Variants in FHAD1 observed in about 807,000 individuals in gnomAD.
FHAD1 encodes the protein forkhead-associated domain-containing protein 1.
FHAD1 carries 146 observed loss-of-function variants against 191.3 expected under a neutral mutation model. That is an observed-to-expected ratio of 0.76 (90% CI 0.67 to 0.88). FHAD1 has a LOEUF of 0.88. FHAD1 is among the 40% of genes least tolerant of loss of function. FHAD1 has a pLI of 0.00. For synonymous variants in FHAD1, 616 were observed against 672.3 expected, an observed-to-expected ratio of 0.92 and a Z score of 1.29; for missense variants, 1,635 against 1,785.8, an observed-to-expected ratio of 0.92 and a Z score of 1.52.
At chr1:15,255,465 T>C (rs552734724) in intron 2 of FHAD1, among the ~76,000 whole-genome samples, 2 of 152,174 alleles carry the variant, frequency 1.3e-5, no homozygotes, top group African/African-American at 2.4e-5. Flanking sequence ...TTCTGTATCA[T>C]GAAAGGAGTT....
At chr1:15,315,823 C>G (rs1674258706) in intron 8 of FHAD1, among the ~76,000 whole-genome samples, 1 of 152,164 alleles carries the variant, frequency 6.6e-6, no homozygotes, top group South Asian at 2.1e-4. Context: ...TAACAATACT[C>G]TCAAAAACAT....
rs564022590 is a variant in FHAD1 at position 15,312,408 on chromosome 1, C to G, written c.1040-649C>G. ...GGGCATTGTGGCTCACATCTGTAATCCCAGCACTTTGGGAGACAGAGGCTG... is the reference window on the plus strand; with the variant it reads ...GGGCATTGTGGCTCACATCTGTAATGCCAGCACTTTGGGAGACAGAGGCTG... On this transcript the variant is annotated intron_variant, in intron 7 of 33. Coordinates refer to ENST00000688493, the MANE Select transcript of FHAD1 (RefSeq NM_001391957.1). This position sits in a 1 kb window ranked among gnomAD's most constrained non-coding sequence, Gnocchi z 4.7. 3.3e-5 allele frequency among the ~76,000 whole-genome samples: 5 copies of G among 152,286 alleles called. No individual in the cohort carries two copies. The South Asian group carries it at 1.0e-3, about 32-fold the overall frequency.
rs59453670 is a variant in FHAD1, at chr1:15,386,849, C to CTTTT, written c.4189-1194_4189-1191dup. On this transcript the variant is annotated intron_variant, in intron 31 of 33. Transcript: ENST00000688493. ...CTTTTTCTTTTTTTTTCCTTTCTTT[C>CTTTT]TTTTTTTTTTTGTTTGTTTGTTTAT... 6.3e-3 allele frequency among the ~76,000 whole-genome samples: 910 copies of CTTTT among 144,254 alleles called. 6 individuals carry two copies. The highest frequency in any genetic ancestry group is 0.025 in the Middle Eastern group (7 of 282). The allele number at this position is 144,254 out of a possible 152,430, so 94.6% of individuals were successfully genotyped here. A position where few individuals can be genotyped will look rare whatever the true frequency, so the allele number is the denominator to read the frequency against.
chr1:15,245,318 CTTATTT>C (rs1279321191), upstream of FHAD1, among the ~76,000 whole-genome samples: 2 of 151,970 alleles, frequency 1.3e-5, no homozygotes, highest in African/African-American at 4.8e-5. Context: ...TTTTGTTGTT[CTTATTT>C]TTATTTGCTT....
At chr1:15,283,885 G>C (rs917212601) in intron 3 of FHAD1, among the ~76,000 whole-genome samples, 1 of 152,076 alleles carries the variant, frequency 6.6e-6, no homozygotes, top group African/African-American at 2.4e-5. Context: ...TTCTTCATTA[G>C]CCAATCATCT....
rs747050083 is a variant in FHAD1 at position 15,397,582 on chromosome 1, T to G, written c.*169T>G. On this transcript the variant is annotated 3_prime_UTR_variant, in exon 34 of 34. Coordinates refer to ENST00000688493, the MANE Select transcript of FHAD1 (RefSeq NM_001391957.1). ...GAACAATATTATATTTTGGAGACTGTGGGGAGAAGGGTTCTTCTTTAAAAA... is the reference window on the plus strand; with the variant it reads ...GAACAATATTATATTTTGGAGACTGGGGGGAGAAGGGTTCTTCTTTAAAAA... The G allele has an allele frequency of 4.8e-6, 2 of 412,506 alleles. No homozygotes were observed. Among genetic ancestry groups the G allele is most frequent in the Non-Finnish European group, 8.7e-6 (2 of 230,904 alleles). The allele number at this position is 412,506 out of a possible 1,614,324, so 25.6% of individuals were successfully genotyped here. A position where few individuals can be genotyped will look rare whatever the true frequency, so the allele number is the denominator to read the frequency against.
rs185380468 is a variant in FHAD1, at chr1:15,349,761, G to A, written c.2454+612G>A. 3.6e-3 allele frequency among the ~76,000 whole-genome samples: 543 copies of A among 152,302 alleles called. 2 individuals carry two copies. The highest frequency in any genetic ancestry group is 0.013 in the African/African-American group (523 of 41,560). ...GGGATCAGTGCCTTCTGGAATGGAC[G>A]AGAAGATGGGCACCCCAGGACAGAC... On this transcript the variant is annotated intron_variant, in intron 19 of 33. Transcript: ENST00000688493.
At chr1:15,240,716 T>C (rs1046119029) in intron 1 of FHAD1, among the ~76,000 whole-genome samples, 1 of 151,038 alleles carries the variant, frequency 6.6e-6, no homozygotes, top group Non-Finnish European at 1.5e-5. Context: ...CCCAGCACTT[T>C]GGGAGGCCGA....
intron 25 of FHAD1, among the ~76,000 whole-genome samples, chr1:15,369,029 A>G (rs1397256217): frequency 6.6e-6 from 1 of 152,184 alleles, no homozygotes; most frequent in Admixed American, 6.5e-5. Context: ...CTGTAAAATG[A>G]GACAAGCAGA....
chr1:15,253,306 C>T (rs1104688), intron 2 of FHAD1, among the ~76,000 whole-genome samples: 107,271 of 151,456 alleles, frequency 0.71, 39,015 homozygotes, highest in East Asian at 0.95. Context: ...CTTCCTTTCC[C>T]TTCCCATATA....
chr1:15,243,175 G>T (rs1475772973), upstream of FHAD1, among the ~76,000 whole-genome samples: 1 of 152,218 alleles, frequency 6.6e-6, no homozygotes, highest in African/African-American at 2.4e-5. Flanking sequence ...CTCATTTTCT[G>T]CCACGGGAAA....
In FHAD1 at chr1:15,362,661, G is replaced by T. The variant is rs557275213; in HGVS notation, c.2982G>T (p.Pro994=). ...DNDPAPKEER[P]QDPLVAPMTE... ...ATACAGCCCCAAAGGAGGAAAGGCC[G>T]CAAGACCCTCTGGTGGCTCCCATGA... The change falls in exon 23 of 34, where the codon CCG becomes CCT. Residue 994 remains proline, a synonymous_variant. Coordinates refer to ENST00000688493, the MANE Select transcript of FHAD1 (RefSeq NM_001391957.1). 11 of 1,551,642 alleles carry T rather than the reference G, an allele frequency of 7.1e-6. No individual in the cohort carries two copies. The East Asian group carries it at 2.4e-4, about 34-fold the overall frequency.
chr1:15,276,074 G>A lies in FHAD1; in HGVS notation c.300+3545G>A, dbSNP rs1390625647. On this transcript the variant is annotated intron_variant, in intron 3 of 33. Coordinates refer to ENST00000688493, the MANE Select transcript of FHAD1 (RefSeq NM_001391957.1). The surrounding 1 kb of genome is among the most constrained non-coding windows in gnomAD (Gnocchi z 4.7). Reference sequence around the variant, plus strand: ...CAGTGGCTAGCGTGGGTGTCCTGAAGTTCAAGTGAGTCTGCCCCACACAGT... The same window carrying A: ...CAGTGGCTAGCGTGGGTGTCCTGAAATTCAAGTGAGTCTGCCCCACACAGT... 6.6e-6 allele frequency among the ~76,000 whole-genome samples: 1 copy of A among 152,196 alleles called. No individual in the cohort carries two copies. Among genetic ancestry groups the A allele is most frequent in the East Asian group, 1.9e-4 (1 of 5,192 alleles).
chr1:15,360,297 T>C (rs1215419312), intron 21 of FHAD1, among the ~76,000 whole-genome samples, 181 bp from the exon 22 acceptor site: 2 of 151,692 alleles, frequency 1.3e-5, no homozygotes, highest in East Asian at 1.9e-4. Context: ...GCCCTGAGAG[T>C]CAAGAAGGAG....
chr1:15,373,301 G>T (rs968778749), intron 26 of FHAD1, among the ~76,000 whole-genome samples: 1 of 147,688 alleles, frequency 6.8e-6, no homozygotes, highest in Non-Finnish European at 1.5e-5. Context: ...ACGAGGTCAG[G>T]AGTTCGAGAC....
Position 15,375,739 on chromosome 1 carries a change from A to G in FHAD1, c.3705+9A>G, listed in dbSNP as rs191912870. On this transcript the variant is annotated intron_variant, in intron 28 of 33. Coordinates refer to ENST00000688493, the MANE Select transcript of FHAD1 (RefSeq NM_001391957.1). ...GAATAGAGATCCTAGCGGTAACCAA[A>G]GAAAATTCTCTCTGCTGTGACTGGC... The G allele has an allele frequency of 5.5e-4, 834 of 1,527,894 alleles. 5 individuals carry two copies. In the African/African-American group the frequency reaches 9.8e-3, roughly 18 times the overall value. 94.6% of individuals were successfully genotyped at this position (1,527,894 alleles called of 1,614,324 possible). A position where few individuals can be genotyped will look rare whatever the true frequency, so the allele number is the denominator to read the frequency against.
intron 2 of FHAD1, among the ~76,000 whole-genome samples, chr1:15,252,828 A>G (rs1183499031): frequency 6.6e-6 from 1 of 152,230 alleles, no homozygotes; most frequent in Non-Finnish European, 1.5e-5. Context: ...GCCTCAGCTC[A>G]TTGACAACCA....
At chr1:15,298,393 G>C (rs891096877) in intron 5 of FHAD1, among the ~76,000 whole-genome samples, 1 of 152,206 alleles carries the variant, frequency 6.6e-6, no homozygotes, top group Non-Finnish European at 1.5e-5. Context: ...AGTGGGAGCA[G>C]GGCAAGGGAT....
At chr1:15,306,701 T>G (rs1670609672) in intron 6 of FHAD1, among the ~76,000 whole-genome samples, 1 of 152,256 alleles carries the variant, frequency 6.6e-6, no homozygotes, top group African/African-American at 2.4e-5. Context: ...CTTTTGCAGC[T>G]TCCACATGGT....
Sources: gnomAD v4.1 joint callset for allele counts (sites outside exome capture counted in the v4.1 genomes callset) on GRCh38, gnomAD v4.1.1 for gene constraint, Gnocchi (gnomAD v3.1) non-coding constraint, MANE v1.5 for transcripts, NCBI Gene and HGNC (gene_info 2026-07-23, HGNC 2026-07-21) for gene names.